The following LMTK3 variants were observed in gnomAD, a reference collection of about 807,000 sequenced individuals.
The protein encoded by LMTK3 is serine/threonine-protein kinase LMTK3.
A neutral mutation model predicts 116.7 loss-of-function variants in LMTK3; 27 were observed. The observed-to-expected ratio is 0.23, with a 90% CI of 0.17 to 0.32. The LOEUF (loss-of-function observed/expected upper bound fraction) is 0.32, where lower values mean the gene tolerates loss of function less well. LMTK3 is among the 10% of genes least tolerant of loss of function. LMTK3 has a pLI of 1.00. For synonymous variants in LMTK3, 965 were observed against 971.0 expected (o/e 0.99, Z 0.11); for missense variants, 1,764 against 2,068.5 (o/e 0.85, Z 2.86).
intron 14 of LMTK3, among the ~76,000 whole-genome samples, chr19:48,489,054 A>G (rs1009448988): frequency 1.3e-5 from 2 of 152,146 alleles, no homozygotes; most frequent in African/African-American, 4.8e-5. Context: ...TGACACTTCT[A>G]AGGGGAAAAC....
Position 48,497,704 on chromosome 19 carries a change from G to A in LMTK3, c.3365C>T (p.Ala1122Val), listed in dbSNP as rs1161897673. The change falls in exon 11 of 15, where the codon GCC (alanine) becomes GTC (valine). Residue 1122 changes from alanine to valine, a missense_variant. Coordinates refer to ENST00000600059, the MANE Select transcript of LMTK3 (RefSeq NM_001388485.1). The surrounding 1 kb of genome is among the most constrained non-coding windows in gnomAD (Gnocchi z 5.7). ...GGRAPVGTGT[A>V]PGGGPGSGVD... Reference sequence around the variant, plus strand: ...GCCGCTTCCGGGGCCGCCGCCGGGGGCCGTCCCCGTGCCCACTGGGGCTCG... The same window carrying A: ...GCCGCTTCCGGGGCCGCCGCCGGGGACCGTCCCCGTGCCCACTGGGGCTCG... 3.0e-6 allele frequency: 4 copies of A among 1,320,860 alleles called. No individual in the cohort carries two copies. The highest frequency in any genetic ancestry group is 2.9e-6 in the Non-Finnish European group (3 of 1,039,514). 81.8% of individuals were successfully genotyped at this position (1,320,860 alleles called of 1,614,324 possible). A position where few individuals can be genotyped will look rare whatever the true frequency, so the allele number is the denominator to read the frequency against.
At position 48,501,327 on chromosome 19, in the gene LMTK3, G is replaced by A. The variant is rs1972462041; in HGVS notation, c.957C>T (p.His319=). The A allele has an allele frequency of 6.2e-7, 1 of 1,613,444 alleles. No individual in the cohort carries two copies. Among genetic ancestry groups the A allele is most frequent in the Non-Finnish European group, 8.5e-7 (1 of 1,179,798 alleles). Residue 319 remains histidine (H), a synonymous_variant, in exon 9 of 15, where the codon CAC becomes CAT. Transcript: ENST00000600059. ...WAAPELLGEL[H]GTFMVVDQSR... is the part of the protein sequence containing the mutation. ...TCTGGTCCACCACCATGAAGGTCCC[G>A]TGGAGCTCCCCGAGGAGCTCGGGCG...
rs552976452 is a variant in LMTK3, at chr19:48,488,809, G to A, written c.4366+2299C>T. Reference sequence around the variant, plus strand: ...GGCTGGAGTGCAATGGCTTGATCTCGGCTCACCGCAACCTCCACCTCCCAG... The same window carrying A: ...GGCTGGAGTGCAATGGCTTGATCTCAGCTCACCGCAACCTCCACCTCCCAG... On this transcript the variant is annotated intron_variant, in intron 14 of 14. Transcript: ENST00000600059. 2.1e-4 allele frequency among the ~76,000 whole-genome samples: 31 copies of A among 149,860 alleles called. No individual in the cohort carries two copies. In the East Asian group the frequency reaches 5.9e-3, roughly 28 times the overall value.
At position 48,511,655 on chromosome 19, in the gene LMTK3, G is replaced by A. The variant is rs1365615833; in HGVS notation, c.-79C>T. 1 of 634,222 alleles carries A rather than the reference G, an allele frequency of 1.6e-6. No individual in the cohort carries two copies. Among genetic ancestry groups the A allele is most frequent in the Non-Finnish European group, 2.5e-6 (1 of 396,220 alleles). The allele number at this position is 634,222 out of a possible 1,614,324, so 39.3% of individuals were successfully genotyped here. ...GGCGGGCCCTCAGCCCCCAGCCATGGGGACCCGCGCGACCCTGGCCTCCTC... is the reference window on the plus strand; with the variant it reads ...GGCGGGCCCTCAGCCCCCAGCCATGAGGACCCGCGCGACCCTGGCCTCCTC... On this transcript the variant is annotated 5_prime_UTR_variant, in exon 1 of 15. Coordinates refer to ENST00000600059, the MANE Select transcript of LMTK3 (RefSeq NM_001388485.1).
At chr19:48,492,567 C>T (rs1389814817) in intron 12 of LMTK3, among the ~76,000 whole-genome samples, 1 of 152,042 alleles carries the variant, frequency 6.6e-6, no homozygotes, top group African/African-American at 2.4e-5. Context: ...GACCTCACCC[C>T]AGAATACGTT....
At position 48,498,814 on chromosome 19, in the gene LMTK3, G is replaced by T; in HGVS notation, c.2255C>A (p.Ala752Asp). The T allele has an allele frequency of 8.6e-7, 1 of 1,167,510 alleles. No homozygotes were observed. The highest frequency in any genetic ancestry group is 1.1e-6 in the Non-Finnish European group (1 of 899,056). The allele number at this position is 1,167,510 out of a possible 1,614,324, so 72.3% of individuals were successfully genotyped here. A position where few individuals can be genotyped will look rare whatever the true frequency, so the allele number is the denominator to read the frequency against. The change falls in exon 11 of 15, where the codon GCT (alanine) becomes GAT (aspartate). Residue 752 changes from alanine to aspartate, a missense_variant. Ala to Asp is a moderately radical substitution (Grantham distance 126). This residue lies in a region of LMTK3 where 1,028 missense variants were observed against 1,050.6 expected (regional missense o/e 0.98). Coordinates refer to ENST00000600059, the MANE Select transcript of LMTK3 (RefSeq NM_001388485.1). ...PQYPGRGPPPAPPPPPPPPRA... is the reference protein window; with the variant it reads ...PQYPGRGPPPDPPPPPPPPRA... Reference sequence around the variant, plus strand: ...AGGAGGTGGCGGCGGGGGGGGGGGAGCGGGAGGTGGCCCCCGCCCGGGGTA... The same window carrying T: ...AGGAGGTGGCGGCGGGGGGGGGGGATCGGGAGGTGGCCCCCGCCCGGGGTA...
rs755758795 is a variant in LMTK3 at position 48,499,293 on chromosome 19, G to A, written c.1776C>T (p.Pro592=). ...CTGAGGACTGGGCTGGGAAGGGCCG[G>A]GGCGCAGGGAAGAGGGGGGAGGCCC... is the stretch of plus-strand genomic sequence containing the variant. The part of the protein sequence containing the change: ...ETWASPLFPA[P]RPFPAQSSAS... The change falls in exon 11 of 15, where the codon CCC becomes CCT. Residue 592 remains proline, a synonymous_variant. Coordinates refer to ENST00000600059, the MANE Select transcript of LMTK3 (RefSeq NM_001388485.1). 23 of 1,414,974 alleles carry A rather than the reference G, an allele frequency of 1.6e-5. 1 individual carries two copies. In the East Asian group the frequency reaches 5.8e-4, roughly 36 times the overall value. The allele number at this position is 1,414,974 out of a possible 1,614,324, so 87.7% of individuals were successfully genotyped here. A position where few individuals can be genotyped will look rare whatever the true frequency, so the allele number is the denominator to read the frequency against.
rs1972439924 is a variant in LMTK3, at chr19:48,500,312, T to C, written c.1152-395A>G. On this transcript the variant is annotated intron_variant, in intron 10 of 14. Transcript: ENST00000600059. The surrounding 1 kb of genome is among the most constrained non-coding windows in gnomAD (Gnocchi z 4.0). ...GGTGGCACCTGCCTGTAATCCCAGCTACCTGGGAGGCTGAGGCAGGAGAAC... is the reference window on the plus strand; with the variant it reads ...GGTGGCACCTGCCTGTAATCCCAGCCACCTGGGAGGCTGAGGCAGGAGAAC... 6.6e-6 allele frequency among the ~76,000 whole-genome samples: 1 copy of C among 152,122 alleles called. No individual in the cohort carries two copies. The highest frequency in any genetic ancestry group is 2.4e-5 in the African/African-American group (1 of 41,398).
chr19:48,488,504 C>T (rs1017681772), intron 14 of LMTK3, among the ~76,000 whole-genome samples: 1 of 152,082 alleles, frequency 6.6e-6, no homozygotes, highest in Non-Finnish European at 1.5e-5. Context: ...GGCTCCCTGG[C>T]ACCCCCAGGA....
intron 4 of LMTK3, 27 bp from the exon 5 acceptor site, chr19:48,508,996 C>T: frequency 2.7e-6 from 4 of 1,499,198 alleles, no homozygotes; most frequent in Non-Finnish European, 2.7e-6. Context: ...CAGGAGTCAG[C>T]GAGTGCCGTT....
At chr19:48,501,662 C>T in intron 7 of LMTK3, 100 bp from the exon 8 acceptor site, 2 of 1,157,010 alleles carry the variant, frequency 1.7e-6, no homozygotes, top group Non-Finnish European at 2.5e-6. Flanking sequence ...TGACCCTGCC[C>T]CGCCACACTG....
Position 48,491,183 on chromosome 19 carries a change from A to G in LMTK3, c.4291T>C (p.Phe1431Leu). 7.8e-7 allele frequency: 1 copy of G among 1,274,636 alleles called. No individual in the cohort carries two copies. Among genetic ancestry groups the G allele is most frequent in the Non-Finnish European group, 1.0e-6 (1 of 1,002,122 alleles). 79.0% of individuals were successfully genotyped at this position (1,274,636 alleles called of 1,614,324 possible). ...GCAGGCGAGACGGAGAAGCGGGAGA[A>G]GCACAGCGGGGGGCCTGGAGGGGGG... is the stretch of plus-strand genomic sequence containing the variant. ...LLPPPGPPLC[F>L]SRFSVSPALE... Residue 1431 changes from phenylalanine (F) to leucine (L), a missense_variant, in exon 14 of 15, where the codon TTC (phenylalanine) becomes CTC (leucine). By Grantham distance (22) the Phe-to-Leu change is conservative. Transcript: ENST00000600059. This position sits in a 1 kb window ranked among gnomAD's most constrained non-coding sequence, Gnocchi z 5.1.
At chr19:48,496,019 G>A (rs1972315984) in intron 11 of LMTK3, among the ~76,000 whole-genome samples, 1 of 152,242 alleles carries the variant, frequency 6.6e-6, no homozygotes, top group East Asian at 1.9e-4. Context: ...GCCTTGGGCA[G>A]CTCAGGGCCT....
At chr19:48,488,549 C>A (rs1275759984) in intron 14 of LMTK3, among the ~76,000 whole-genome samples, 1 of 152,124 alleles carries the variant, frequency 6.6e-6, no homozygotes, top group African/African-American at 2.4e-5. Flanking sequence ...CCCCTGCCAT[C>A]TCTCCTCAGC....
rs984595245 is a variant in LMTK3, at chr19:48,497,663, C to T, written c.3406G>A (p.Gly1136Arg). 2 of 1,318,288 alleles carry T rather than the reference C, an allele frequency of 1.5e-6. No homozygotes were observed. The highest frequency in any genetic ancestry group is 1.9e-6 in the Non-Finnish European group (2 of 1,037,746). The allele number at this position is 1,318,288 out of a possible 1,614,324, so 81.7% of individuals were successfully genotyped here. A position where few individuals can be genotyped will look rare whatever the true frequency, so the allele number is the denominator to read the frequency against. ...TGCGGCCTCGTGTTGTCTACCCATCCGGCCTTTGCGTCCACGCCGCTTCCG... is the reference window on the plus strand; with the variant it reads ...TGCGGCCTCGTGTTGTCTACCCATCTGGCCTTTGCGTCCACGCCGCTTCCG... ...GPGSGVDAKA[G>R]WVDNTRPQPP... is the part of the protein sequence containing the mutation. Residue 1136 changes from glycine to arginine, a missense_variant, in exon 11 of 15, where the codon GGA (glycine) becomes AGA (arginine). Physicochemically the swap from Gly to Arg is moderately radical, Grantham distance 125. Coordinates refer to ENST00000600059, the MANE Select transcript of LMTK3 (RefSeq NM_001388485.1). The surrounding 1 kb of genome is among the most constrained non-coding windows in gnomAD (Gnocchi z 5.7).
chr19:48,511,453 C>T (rs1326823676), intron 1 of LMTK3, 48 bp downstream of exon 1: 3 of 853,966 alleles, frequency 3.5e-6, no homozygotes, highest in South Asian at 2.8e-5. Flanking sequence ...AGCGAGGCCG[C>T]CGCGGGGGTG....
In LMTK3 at chr19:48,499,216, C is replaced by T. The variant is rs1198010076; in HGVS notation, c.1853G>A (p.Gly618Glu). 2.9e-6 allele frequency: 4 copies of T among 1,393,120 alleles called. No individual in the cohort carries two copies. The highest frequency in any genetic ancestry group is 3.7e-6 in the Non-Finnish European group (4 of 1,068,446). The allele number at this position is 1,393,120 out of a possible 1,614,324, so 86.3% of individuals were successfully genotyped here. A position where few individuals can be genotyped will look rare whatever the true frequency, so the allele number is the denominator to read the frequency against. Residue 618 changes from glycine (G) to glutamate (E), a missense_variant, in exon 11 of 15, where the codon GGG (glycine) becomes GAG (glutamate). By Grantham distance (98) the Gly-to-Glu change is moderately conservative. This residue lies in a region of LMTK3 where 1,028 missense variants were observed against 1,050.6 expected (regional missense o/e 0.98). Coordinates refer to ENST00000600059, the MANE Select transcript of LMTK3 (RefSeq NM_001388485.1). ...GGCAGGGTCTCCCGCCAGGGTCTCC[C>T]CGGCGCCCCGGCCCTCGGGGTCCCA... ...SGWDPEGRGA[G>E]ETLAGDPAEV...
At chr19:48,509,928 G>T in intron 3 of LMTK3, 95 bp downstream of exon 3, 1 of 1,414,910 alleles carries the variant, frequency 7.1e-7, no homozygotes, top group Non-Finnish European at 9.6e-7. Context: ...GGCTGCCGCT[G>T]GTCTCAACCG....
chr19:48,489,720 G>A (rs1430330248), intron 14 of LMTK3, among the ~76,000 whole-genome samples: 1 of 152,204 alleles, frequency 6.6e-6, no homozygotes, highest in East Asian at 1.9e-4. Context: ...CCACTCTACA[G>A]ATGAGGGAAC....
Sources: allele counts gnomAD v4.1 joint callset (sites outside exome capture counted in the v4.1 genomes callset), GRCh38; gene constraint gnomAD v4.1.1; regional missense constraint gnomAD v4.1.1; non-coding constraint Gnocchi (gnomAD v3.1); transcripts MANE v1.5; gene names NCBI Gene and HGNC (gene_info 2026-07-23, HGNC 2026-07-21).